The following KRIT1 variants were observed in gnomAD, a reference collection of about 807,000 sequenced individuals.
The protein encoded by KRIT1 is KRIT1 ankyrin repeat containing, also known as krev interaction trapped protein 1.
In KRIT1, 45 loss-of-function variants were observed where a neutral mutation model predicts 95.8. That is an observed-to-expected ratio of 0.47 (90% confidence interval 0.37 to 0.60). The LOEUF (loss-of-function observed/expected upper bound fraction) is 0.60. Among genes scored for constraint, KRIT1 ranks in the 20% least tolerant of loss-of-function variants. KRIT1 has a pLI of 0.00. For missense variants in KRIT1, 788 were observed against 877.5 expected (o/e 0.90, Z 1.29); for synonymous variants, 282 against 278.8 (o/e 1.01, Z -0.11).
At chr7:92,220,576 T>C (rs75228500) in intron 14 of KRIT1, among the ~76,000 whole-genome samples, 6,324 of 152,238 alleles carry the variant, frequency 0.042, 187 homozygotes, top group Non-Finnish European at 0.064. Flanking sequence ...TTAAGAAATG[T>C]ATTCTATTTT....
Position 92,213,414 on chromosome 7 carries a change from A to C in KRIT1, c.1819-13T>G. On this transcript the variant is annotated splice_polypyrimidine_tract_variant and intron_variant, in intron 16 of 18. Transcript: ENST00000394505. ...TTGTACTGAGATTCTAAAAACAAAC[A>C]AGGTAAATTAAAAATAAAAGAGATA... 1 of 1,552,246 alleles carries C rather than the reference A, an allele frequency of 6.4e-7. No individual in the cohort carries two copies. The highest frequency in any genetic ancestry group is 8.9e-7 in the Non-Finnish European group (1 of 1,124,998).
rs751884140 is a variant in KRIT1 at position 92,222,800 on chromosome 7, A to T, written c.1411+22T>A. ...AAAAAGGAATAATGAGGTTTACTATAACATAATAAAAACTTTCTTACTGAG... is the reference window on the plus strand; with the variant it reads ...AAAAAGGAATAATGAGGTTTACTATTACATAATAAAAACTTTCTTACTGAG... On this transcript the variant is annotated intron_variant, in intron 13 of 18. Transcript: ENST00000394505. The T allele has an allele frequency of 5.5e-6, 8 of 1,461,454 alleles. No homozygotes were observed. Among genetic ancestry groups the T allele is most frequent in the Non-Finnish European group, 7.7e-6 (8 of 1,042,086 alleles). The allele number at this position is 1,461,454 out of a possible 1,614,324, so 90.5% of individuals were successfully genotyped here.
chr7:92,228,724 C>T (rs899813172), intron 10 of KRIT1, among the ~76,000 whole-genome samples: 3 of 151,930 alleles, frequency 2.0e-5, no homozygotes, highest in Non-Finnish European at 2.9e-5. Context: ...TTATTTTTTC[C>T]GCTCCTCTCC....
intron 5 of KRIT1, among the ~76,000 whole-genome samples, chr7:92,238,282 TAATA>T: frequency 6.6e-6 from 1 of 152,320 alleles, no homozygotes; most frequent in East Asian, 1.9e-4. Flanking sequence ...AGTAAGTTAT[TAATA>T]AATAATAACC....
At position 92,208,468 on chromosome 7, in the gene KRIT1, T is replaced by C. The variant is rs201808503; in HGVS notation, c.2025+4727A>G. Among the ~76,000 whole-genome samples, 42 of 151,748 alleles carry C rather than the reference T, an allele frequency of 2.8e-4. No individual in the cohort carries two copies. The South Asian group carries it at 7.9e-3, about 28-fold the overall frequency. Reference sequence around the variant, plus strand: ...AAGATAAAATGAGTAAACTGTTAGGTAGACTAACCAAGAGAGAAAGAAAAT... The same window carrying C: ...AAGATAAAATGAGTAAACTGTTAGGCAGACTAACCAAGAGAGAAAGAAAAT... On this transcript the variant is annotated intron_variant, in intron 17 of 18. Coordinates refer to ENST00000394505, the MANE Select transcript of KRIT1 (RefSeq NM_194454.3).
chr7:92,213,513 G>A (rs535854593), intron 16 of KRIT1, 112 bp from the exon 17 acceptor site: 1 of 709,984 alleles, frequency 1.4e-6, no homozygotes, highest in Non-Finnish European at 2.4e-6. Context: ...TGCCCCTAAA[G>A]AATAAAATTA....
Position 92,242,024 on chromosome 7 carries a change from A to C in KRIT1, c.102+10T>G, listed in dbSNP as rs1348710638. 3 of 1,271,164 alleles carry C rather than the reference A, an allele frequency of 2.4e-6. No homozygotes were observed. The highest frequency in any genetic ancestry group is 3.5e-6 in the Non-Finnish European group (3 of 868,444). 78.7% of individuals were successfully genotyped at this position (1,271,164 alleles called of 1,614,324 possible). ...AATGGTAGAAATAAATTATTATTAA[A>C]TGTTCTTACTTCATATGACTTAGCT... On this transcript the variant is annotated intron_variant, in intron 4 of 18. Coordinates refer to ENST00000394505, the MANE Select transcript of KRIT1 (RefSeq NM_194454.3).
intron 17 of KRIT1, among the ~76,000 whole-genome samples, chr7:92,202,720 G>A (rs111937259): frequency 6.6e-6 from 1 of 152,034 alleles, no homozygotes; most frequent in African/African-American, 2.4e-5. Flanking sequence ...GTGAGACTCC[G>A]TCTAAATAAA....
At chr7:92,225,660 A>G (rs1796062266) in intron 12 of KRIT1, 60 bp downstream of exon 12, 1 of 991,244 alleles carries the variant, frequency 1.0e-6, no homozygotes, top group Admixed American at 1.7e-5. Flanking sequence ...CAGATCCTCA[A>G]ATTTAAATCT....
chr7:92,215,715 CAA>C (rs1793824729), intron 14 of KRIT1, among the ~76,000 whole-genome samples: 1 of 151,466 alleles, frequency 6.6e-6, no homozygotes, highest in African/African-American at 2.4e-5. Context: ...CTTGGCCTCC[CAA>C]AGTGTTGGGA....
intron 12 of KRIT1, among the ~76,000 whole-genome samples, chr7:92,223,204 C>T (rs1349623994): frequency 6.8e-6 from 1 of 146,862 alleles, no homozygotes; most frequent in Non-Finnish European, 1.5e-5. Flanking sequence ...CCGAGGCGGG[C>T]GGATCACGAA....
chr7:92,202,890 G>C (rs1304397817), intron 17 of KRIT1, among the ~76,000 whole-genome samples: 1 of 152,142 alleles, frequency 6.6e-6, no homozygotes, highest in Non-Finnish European at 1.5e-5. Flanking sequence ...TACTAAAATA[G>C]CTACTTATCA....
At chr7:92,206,938 C>CAAAAAAAAAAAAAAA (rs199771149) in intron 17 of KRIT1, 1 of 73,988 alleles carries the variant, frequency 1.4e-5, no homozygotes. Context: ...CCCAGGCAGA[C>CAAAAAAAAAAAAAAA]AAAAAAAAAA....
At position 92,214,638 on chromosome 7, in the gene KRIT1, C is replaced by T. The variant is rs1793578585; in HGVS notation, c.1703G>A (p.Ser568Asn). 6.2e-7 allele frequency: 1 copy of T among 1,612,432 alleles called. No homozygotes were observed. Among genetic ancestry groups the T allele is most frequent in the Non-Finnish European group, 8.5e-7 (1 of 1,178,654 alleles). The part of the protein sequence containing the change: ...LLQIVYGNYE[S>N]KKHKQGFLNE... The stretch of plus-strand genomic sequence containing the variant: ...TAGGAAACCTTGCTTGTGTTTTTTA[C>T]TCTCATAATTTCCATAGACTATTTG... The change falls in exon 15 of 19, where the codon AGT (serine) becomes AAT (asparagine). Residue 568 changes from serine to asparagine, a missense_variant. By Grantham distance (46) the Ser-to-Asn change is conservative. Coordinates refer to ENST00000394505, the MANE Select transcript of KRIT1 (RefSeq NM_194454.3).
intron 5 of KRIT1, among the ~76,000 whole-genome samples, chr7:92,240,049 C>T (rs544292423): frequency 1.3e-5 from 2 of 152,172 alleles, no homozygotes; most frequent in South Asian, 2.1e-4. Context: ...AGTTAAAATG[C>T]TTACAGTCCC....
intron 5 of KRIT1, among the ~76,000 whole-genome samples, chr7:92,239,033 A>G (rs1799015329): frequency 6.6e-6 from 1 of 152,252 alleles, no homozygotes; most frequent in Non-Finnish European, 1.5e-5. Context: ...CTTCAAAAAT[A>G]TTTCATAGAT....
rs1789929366 is a variant in KRIT1, at chr7:92,200,627, CA to C, written c.*108del. ...CCAGCCTCCCAAAGTGCTGGAATTA[CA>C]GGGGTGAGCCACCATGCTCGGCCAA... On this transcript the variant is annotated 3_prime_UTR_variant, in exon 19 of 19. Transcript: ENST00000394505. 1.3e-6 allele frequency: 1 copy of C among 762,416 alleles called. No homozygotes were observed. The highest frequency in any genetic ancestry group is 2.3e-6 in the Non-Finnish European group (1 of 428,660). The allele number at this position is 762,416 out of a possible 1,614,324, so 47.2% of individuals were successfully genotyped here.
chr7:92,206,749 A>G (rs1791580329), intron 17 of KRIT1: 1 of 152,164 alleles, frequency 6.6e-6, no homozygotes, highest in African/African-American at 2.4e-5. Flanking sequence ...GAAATGCCTA[A>G]CAAAAAAATC....
intron 3 of KRIT1, among the ~76,000 whole-genome samples, chr7:92,243,414 G>C (rs985315238): frequency 6.6e-6 from 1 of 151,946 alleles, no homozygotes; most frequent in Non-Finnish European, 1.5e-5. Context: ...TTCTTTCCCA[G>C]CTATGTTGAG....
Sources: gnomAD v4.1 joint callset for allele counts (sites outside exome capture counted in the v4.1 genomes callset) on GRCh38, gnomAD v4.1.1 for gene constraint, MANE v1.5 for transcripts, NCBI Gene and HGNC (gene_info 2026-07-23, HGNC 2026-07-21) for gene names.